Variants in FOXI2 observed in about 807,000 individuals in gnomAD.
FOXI2 encodes forkhead box protein I2.
FOXI2 carries 17 observed loss-of-function variants against 14.3 expected under a neutral mutation model. The ratio of observed to expected loss-of-function variants is 1.19; its 90% CI spans 0.81 to 1.78. The LOEUF is 1.78. FOXI2 is among the 40% of genes most tolerant of loss of function. The probability of loss-of-function intolerance (pLI) is 0.00; values close to 1 mark genes in which losing one functional copy is unlikely to be tolerated. For missense variants in FOXI2, 541 were observed against 460.0 expected (o/e 1.18, Z -1.61); for synonymous variants, 240 against 218.8 (o/e 1.10, Z -0.85).
In FOXI2 at chr10:127,739,862, C is replaced by CCCACACCCACACCCACA; in HGVS notation, c.*897_*898insCCACACCCACACCCACA. 1 of 98,632 alleles carries CCCACACCCACACCCACA rather than the reference C, an allele frequency of 1.0e-5. No individual in the cohort carries two copies. The highest frequency in any genetic ancestry group is 3.6e-4 in the South Asian group (1 of 2,790). 6.1% of individuals were successfully genotyped at this position (98,632 alleles called of 1,614,324 possible). On this transcript the variant is annotated 3_prime_UTR_variant, in exon 2 of 2. Coordinates refer to ENST00000388920, the MANE Select transcript of FOXI2 (RefSeq NM_207426.3). ...ACTCACACTCACACTCACACCCACACTCACACCCACACTCACACCCACACC... is the reference window on the plus strand; with the variant it reads ...ACTCACACTCACACTCACACCCACACCCACACCCACACCCACATCACACCCACACTCACACCCACACC...
In FOXI2 at chr10:127,737,266, G is replaced by C. The variant is rs1418808470; in HGVS notation, c.-8G>C. 1.0e-5 allele frequency: 15 copies of C among 1,472,420 alleles called. 1 individual carries two copies. Among genetic ancestry groups the C allele is most frequent in the South Asian group, 3.9e-5 (3 of 77,370 alleles). 91.2% of individuals were successfully genotyped at this position (1,472,420 alleles called of 1,614,324 possible). ...GCACCGCTGGCCCAGGCCCGGGCGC[G>C]GCTGGACATGGCCACCTACTGCGAC... On this transcript the variant is annotated 5_prime_UTR_variant, in exon 1 of 2. Coordinates refer to ENST00000388920, the MANE Select transcript of FOXI2 (RefSeq NM_207426.3).
Position 127,739,803 on chromosome 10 carries a change from C to CT in FOXI2, c.*838_*839insT, listed in dbSNP as rs1564748979. ...CCCACACTCACACCCACACTCACAC[C>CT]CACACTCACACCCACACCCACACCC... On this transcript the variant is annotated 3_prime_UTR_variant, in exon 2 of 2. Coordinates refer to ENST00000388920, the MANE Select transcript of FOXI2 (RefSeq NM_207426.3). 3 of 99,306 alleles carry CT rather than the reference C, an allele frequency of 3.0e-5. No homozygotes were observed. The highest frequency in any genetic ancestry group is 1.9e-4 in the Admixed American group (2 of 10,530). The allele number at this position is 99,306 out of a possible 1,614,324, so 6.2% of individuals were successfully genotyped here. A position where few individuals can be genotyped will look rare whatever the true frequency, so the allele number is the denominator to read the frequency against.
rs746481067 is a variant in FOXI2 at position 127,738,803 on chromosome 10, C to T, written c.795C>T (p.Gly265=). Residue 265 remains glycine, a synonymous_variant, in exon 2 of 2, where the codon GGC becomes GGT. Coordinates refer to ENST00000388920, the MANE Select transcript of FOXI2 (RefSeq NM_207426.3). ...LAGGLGTFPG[G]LAGDFSFGRR... ...GCGGCCTTGGCACCTTCCCCGGGGG[C>T]CTGGCGGGCGACTTTTCTTTCGGGA... is the stretch of plus-strand genomic sequence containing the variant. 4 of 1,606,226 alleles carry T rather than the reference C, an allele frequency of 2.5e-6. No homozygotes were observed. Among genetic ancestry groups the T allele is most frequent in the Admixed American group, 1.7e-5 (1 of 59,632 alleles).
Position 127,738,688 on chromosome 10 carries a change from G to A in FOXI2, c.680G>A (p.Cys227Tyr). 1 of 1,595,922 alleles carries A rather than the reference G, an allele frequency of 6.3e-7. No individual in the cohort carries two copies. The highest frequency in any genetic ancestry group is 1.1e-5 in the South Asian group (1 of 88,536). The part of the protein sequence containing the change: ...APALEPPSAA[C>Y]LDLQASPSPS... Reference sequence around the variant, plus strand: ...GCGCTGGAGCCCCCGAGCGCGGCTTGCCTGGACCTGCAGGCCTCGCCCTCT... The same window carrying A: ...GCGCTGGAGCCCCCGAGCGCGGCTTACCTGGACCTGCAGGCCTCGCCCTCT... The change falls in exon 2 of 2, where the codon TGC becomes TAC. Residue 227 changes from cysteine to tyrosine, a missense_variant. Transcript: ENST00000388920.
chr10:127,738,730 C>T lies in FOXI2; in HGVS notation c.722C>T (p.Ala241Val). Residue 241 changes from alanine to valine, a missense_variant, in exon 2 of 2, where the codon GCC (alanine) becomes GTC (valine). Physicochemically the swap from Ala to Val is moderately conservative, Grantham distance 64 (BLOSUM62 0). Coordinates refer to ENST00000388920, the MANE Select transcript of FOXI2 (RefSeq NM_207426.3). ...TCGCCCTCTCCATCCGCACCCGAGG[C>T]CGCCACCTGCTTCTCCGGTTTCGCT... ...QASPSPSAPEAATCFSGFASA... is the reference protein window; with the variant it reads ...QASPSPSAPEVATCFSGFASA... The T allele has an allele frequency of 6.3e-7, 1 of 1,599,058 alleles. No homozygotes were observed. The highest frequency in any genetic ancestry group is 8.5e-7 in the Non-Finnish European group (1 of 1,173,396).
At position 127,740,354 on chromosome 10, in the gene FOXI2, C is replaced by T. The variant is rs879031787; in HGVS notation, c.*1389C>T. The T allele has an allele frequency of 6.6e-6, 1 of 152,356 alleles. No homozygotes were observed. Among genetic ancestry groups the T allele is most frequent in the Non-Finnish European group, 1.5e-5 (1 of 68,156 alleles). The allele number at this position is 152,356 out of a possible 1,614,324, so 9.4% of individuals were successfully genotyped here. A position where few individuals can be genotyped will look rare whatever the true frequency, so the allele number is the denominator to read the frequency against. ...TGTGTAAATTGAACCCTGCCCCACC[C>T]AGTTCCTTCTTAGGGATGGTATCTT... On this transcript the variant is annotated 3_prime_UTR_variant, in exon 2 of 2. Coordinates refer to ENST00000388920, the MANE Select transcript of FOXI2 (RefSeq NM_207426.3).
Position 127,740,367 on chromosome 10 carries a change from G to A in FOXI2, c.*1402G>A, listed in dbSNP as rs997060800. 1 of 152,282 alleles carries A rather than the reference G, an allele frequency of 6.6e-6. No homozygotes were observed. Among genetic ancestry groups the A allele is most frequent in the Non-Finnish European group, 1.5e-5 (1 of 68,132 alleles). 9.4% of individuals were successfully genotyped at this position (152,282 alleles called of 1,614,324 possible). ...CCCTGCCCCACCCAGTTCCTTCTTA[G>A]GGATGGTATCTTTGTGAAGGACAAG... On this transcript the variant is annotated 3_prime_UTR_variant, in exon 2 of 2. Transcript: ENST00000388920.
Position 127,737,285 on chromosome 10 carries a change from C to T in FOXI2, c.12C>T (p.Tyr4=). The T allele has an allele frequency of 7.5e-6, 11 of 1,473,160 alleles. No individual in the cohort carries two copies. Among genetic ancestry groups the T allele is most frequent in the African/African-American group, 1.5e-5 (1 of 67,674 alleles). The allele number at this position is 1,473,160 out of a possible 1,614,324, so 91.3% of individuals were successfully genotyped here. A position where few individuals can be genotyped will look rare whatever the true frequency, so the allele number is the denominator to read the frequency against. Residue 4 remains tyrosine, a synonymous_variant, in exon 1 of 2, where the codon TAC becomes TAT. Coordinates refer to ENST00000388920, the MANE Select transcript of FOXI2 (RefSeq NM_207426.3). ...GGGCGCGGCTGGACATGGCCACCTACTGCGACGACCTGGGCCCCTCCTCGG... is the reference window on the plus strand; with the variant it reads ...GGGCGCGGCTGGACATGGCCACCTATTGCGACGACCTGGGCCCCTCCTCGG... MAT[Y]CDDLGPSSAP...
At position 127,740,161 on chromosome 10, in the gene FOXI2, A is replaced by T. The variant is rs1316130789; in HGVS notation, c.*1196A>T. The T allele has an allele frequency of 9.0e-6, 1 of 110,664 alleles. No individual in the cohort carries two copies. The highest frequency in any genetic ancestry group is 2.8e-4 in the East Asian group (1 of 3,526). 6.9% of individuals were successfully genotyped at this position (110,664 alleles called of 1,614,324 possible). On this transcript the variant is annotated 3_prime_UTR_variant, in exon 2 of 2. Coordinates refer to ENST00000388920, the MANE Select transcript of FOXI2 (RefSeq NM_207426.3). The stretch of plus-strand genomic sequence containing the variant: ...CACACTCATACTCACACCCACACCC[A>T]CACTCATACTCACACACCCACACCC...
At position 127,740,678 on chromosome 10, in the gene FOXI2, T is replaced by C. The variant is rs1347432681; in HGVS notation, c.*1713T>C. 1 of 152,218 alleles carries C rather than the reference T, an allele frequency of 6.6e-6. No individual in the cohort carries two copies. Among genetic ancestry groups the C allele is most frequent in the African/African-American group, 2.4e-5 (1 of 41,396 alleles). The allele number at this position is 152,218 out of a possible 1,614,324, so 9.4% of individuals were successfully genotyped here. A position where few individuals can be genotyped will look rare whatever the true frequency, so the allele number is the denominator to read the frequency against. On this transcript the variant is annotated 3_prime_UTR_variant, in exon 2 of 2. Coordinates refer to ENST00000388920, the MANE Select transcript of FOXI2 (RefSeq NM_207426.3). ...CAATCCTAAGCCCCAGCCACGCAGG[T>C]ATTCCTGATCTGCCTGCAGGGCCCC... is the stretch of plus-strand genomic sequence containing the variant.
At position 127,737,452 on chromosome 10, in the gene FOXI2, C is replaced by T; in HGVS notation, c.179C>T (p.Ala60Val). 2 of 1,363,312 alleles carry T rather than the reference C, an allele frequency of 1.5e-6. No individual in the cohort carries two copies. The highest frequency in any genetic ancestry group is 1.8e-5 in the South Asian group (1 of 55,178). 84.5% of individuals were successfully genotyped at this position (1,363,312 alleles called of 1,614,324 possible). The part of the protein sequence containing the change: ...PKSYASGPGP[A>V]PPYAAPSYGA... ...TCCTACGCTTCGGGTCCCGGGCCTG[C>T]GCCGCCCTACGCGGCCCCGAGCTAC... Residue 60 changes from alanine to valine, a missense_variant, in exon 1 of 2, where the codon GCG (alanine) becomes GTG (valine). Ala to Val is a moderately conservative substitution (Grantham distance 64). Coordinates refer to ENST00000388920, the MANE Select transcript of FOXI2 (RefSeq NM_207426.3).
Position 127,738,855 on chromosome 10 carries a change from G to C in FOXI2, c.847G>C (p.Ala283Pro), listed in dbSNP as rs1591211036. The change falls in exon 2 of 2, where the codon GCT (alanine) becomes CCT (proline). Residue 283 changes from alanine (A) to proline (P), a missense_variant. Ala to Pro is a conservative substitution (Grantham distance 27, BLOSUM62 -1). Transcript: ENST00000388920. ...GCGGCCACCGACAGTCGCCACCCAC[G>C]CTCCCCAGACCCTTAACCCCTCCCC... is the stretch of plus-strand genomic sequence containing the variant. Reference protein sequence around the residue: ...GRRPPTVATHAPQTLNPSPGF... With the variant: ...GRRPPTVATHPPQTLNPSPGF... The C allele has an allele frequency of 6.2e-7, 1 of 1,606,956 alleles. No individual in the cohort carries two copies. Among genetic ancestry groups the C allele is most frequent in the African/African-American group, 1.3e-5 (1 of 74,928 alleles).
rs1199206719 is a variant in FOXI2 at position 127,738,987 on chromosome 10, G to T, written c.*22G>T. On this transcript the variant is annotated 3_prime_UTR_variant, in exon 2 of 2. Transcript: ENST00000388920. ...TTGAAGGGAGGCTGGAGGCTAGCCG[G>T]GTGCGGGTCCAGAGGTGCTGAGCTC... 2 of 1,588,610 alleles carry T rather than the reference G, an allele frequency of 1.3e-6. No individual in the cohort carries two copies. Among genetic ancestry groups the T allele is most frequent in the African/African-American group, 2.7e-5 (2 of 74,650 alleles).
At chr10:127,738,121 G>A (rs917758668) in intron 1 of FOXI2, among the ~76,000 whole-genome samples, 12 of 152,146 alleles carry the variant, frequency 7.9e-5, no homozygotes, top group African/African-American at 2.9e-4. Context: ...GGTAAAATGG[G>A]GAAGACAGCG....
rs142266253 is a variant in FOXI2 at position 127,739,269 on chromosome 10, G to A, written c.*304G>A. 1,151 of 342,954 alleles carry A rather than the reference G, an allele frequency of 3.4e-3. 5 individuals carry two copies. The highest frequency in any genetic ancestry group is 0.017 in the African/African-American group (810 of 46,506). The allele number at this position is 342,954 out of a possible 1,614,324, so 21.2% of individuals were successfully genotyped here. A position where few individuals can be genotyped will look rare whatever the true frequency, so the allele number is the denominator to read the frequency against. ...CTCGAGGGATTTGCCTTGAAGGGGC[G>A]GCGGGTCGGCCCTCAGCTCCAGCGT... On this transcript the variant is annotated 3_prime_UTR_variant, in exon 2 of 2. Coordinates refer to ENST00000388920, the MANE Select transcript of FOXI2 (RefSeq NM_207426.3).
rs1846500518 is a variant in FOXI2 at position 127,740,090 on chromosome 10, T to TCACACTCACACTCACAC, written c.*1136_*1137insTCACACCACACTCACAC. On this transcript the variant is annotated 3_prime_UTR_variant, in exon 2 of 2. Transcript: ENST00000388920. The stretch of plus-strand genomic sequence containing the variant: ...CTCATACTCACACTCACACCCACAC[T>TCACACTCACACTCACAC]CACACTCACACCCACACTCACACCA... The TCACACTCACACTCACAC allele has an allele frequency of 1.5e-5, 1 of 65,034 alleles. No homozygotes were observed. The allele number at this position is 65,034 out of a possible 1,614,324, so 4.0% of individuals were successfully genotyped here.
Position 127,739,767 on chromosome 10 carries a change from T to C in FOXI2, c.*802T>C, listed in dbSNP as rs1302679583. The C allele has an allele frequency of 6.8e-6, 1 of 147,648 alleles. No homozygotes were observed. The highest frequency in any genetic ancestry group is 1.5e-5 in the Non-Finnish European group (1 of 67,408). 9.1% of individuals were successfully genotyped at this position (147,648 alleles called of 1,614,324 possible). ...GGAGTTCCCCAAGGGTCCAGGTTTG[T>C]GCCACCCACACCCACACTCACACCC... On this transcript the variant is annotated 3_prime_UTR_variant, in exon 2 of 2. Coordinates refer to ENST00000388920, the MANE Select transcript of FOXI2 (RefSeq NM_207426.3).
In FOXI2 at chr10:127,739,673, C is replaced by G. The variant is rs1846468745; in HGVS notation, c.*708C>G. 2.0e-5 allele frequency: 3 copies of G among 152,266 alleles called. No individual in the cohort carries two copies. The highest frequency in any genetic ancestry group is 2.9e-5 in the Non-Finnish European group (2 of 68,164). 9.4% of individuals were successfully genotyped at this position (152,266 alleles called of 1,614,324 possible). A position where few individuals can be genotyped will look rare whatever the true frequency, so the allele number is the denominator to read the frequency against. ...CACTCAGCCCTGGTCCTTGATGACC[C>G]CCCTCTAGGACAAGGCAACTCCCCA... is the stretch of plus-strand genomic sequence containing the variant. On this transcript the variant is annotated 3_prime_UTR_variant, in exon 2 of 2. Coordinates refer to ENST00000388920, the MANE Select transcript of FOXI2 (RefSeq NM_207426.3).
Position 127,739,259 on chromosome 10 carries a change from T to A in FOXI2, c.*294T>A, listed in dbSNP as rs571607993. ...AACCTGTGCTCTCGAGGGATTTGCC[T>A]TGAAGGGGCGGCGGGTCGGCCCTCA... is the stretch of plus-strand genomic sequence containing the variant. On this transcript the variant is annotated 3_prime_UTR_variant, in exon 2 of 2. Coordinates refer to ENST00000388920, the MANE Select transcript of FOXI2 (RefSeq NM_207426.3). The A allele has an allele frequency of 2.9e-5, 11 of 375,282 alleles. No homozygotes were observed. The East Asian group carries it at 5.4e-4, about 18-fold the overall frequency. The allele number at this position is 375,282 out of a possible 1,614,324, so 23.2% of individuals were successfully genotyped here.
Sources: gnomAD v4.1 joint callset for allele counts (sites outside exome capture counted in the v4.1 genomes callset) on GRCh38, gnomAD v4.1.1 for gene constraint, MANE v1.5 for transcripts, NCBI Gene and HGNC (gene_info 2026-07-23, HGNC 2026-07-21) for gene names.